The following HIKESHI variants were observed in gnomAD, a reference collection of about 807,000 sequenced individuals.
HIKESHI encodes the protein protein Hikeshi.
In HIKESHI, 13 loss-of-function variants were observed where a neutral mutation model predicts 25.7. The observed-to-expected ratio is 0.51, with a 90% CI of 0.33 to 0.80. The LOEUF (loss-of-function observed/expected upper bound fraction) is 0.80, where lower values mean the gene tolerates loss of function less well. HIKESHI is among the 30% of genes least tolerant of loss of function. HIKESHI has a pLI of 0.02. For synonymous variants in HIKESHI, 76 were observed against 78.7 expected (o/e 0.97, Z 0.18); for missense variants, 174 against 229.5 (o/e 0.76, Z 1.56).
At chr11:86,330,735 A>G (rs1039114238) in intron 2 of HIKESHI, among the ~76,000 whole-genome samples, 6 of 152,194 alleles carry the variant, frequency 3.9e-5, no homozygotes, top group Non-Finnish European at 5.9e-5. Context: ...TTCTAGTTCT[A>G]TATTTGTACT....
chr11:86,306,951 G>T (rs564350393), intron 2 of HIKESHI, among the ~76,000 whole-genome samples: 1 of 149,642 alleles, frequency 6.7e-6, no homozygotes, highest in Non-Finnish European at 1.5e-5. Context: ...AGTGAGCCAA[G>T]ATCCCACCAC....
In HIKESHI at chr11:86,304,512, CTTTTTTT is replaced by C. The variant is rs35545393; in HGVS notation, c.31-1717_31-1711del. ...GCCAGTGTGTGAGTTGCACAACTCA[CTTTTTTT>C]TTTTTTTTTTTTTTTGAGACGGAGT... On this transcript the variant is annotated intron_variant, in intron 1 of 4. Transcript: ENST00000278483. Among the ~76,000 whole-genome samples, 23 of 112,544 alleles carry C rather than the reference CTTTTTTT, an allele frequency of 2.0e-4. No homozygotes were observed. In the South Asian group the frequency reaches 5.9e-3, roughly 29 times the overall value. The allele number at this position is 112,544 out of a possible 152,430, so 73.8% of individuals were successfully genotyped here.
intron 1 of HIKESHI, among the ~76,000 whole-genome samples, chr11:86,304,510 CA>C (rs1451691942): frequency 6.9e-6 from 1 of 144,046 alleles, no homozygotes; most frequent in African/African-American, 2.6e-5. Flanking sequence ...TTGCACAACT[CA>C]CTTTTTTTTT....
rs868438995 is a variant in HIKESHI, at chr11:86,307,139, A to G, written c.268+657A>G. ...ATATATTATGTATAATATACATCAT[A>G]TATCAAATATATATTATGTGTAATA... On this transcript the variant is annotated intron_variant, in intron 2 of 4. Coordinates refer to ENST00000278483, the MANE Select transcript of HIKESHI (RefSeq NM_016401.4). Among the ~76,000 whole-genome samples, 82 of 113,816 alleles carry G rather than the reference A, an allele frequency of 7.2e-4. 3 individuals are homozygous for G. The highest frequency in any genetic ancestry group is 7.9e-4 in the Non-Finnish European group (46 of 57,890). The allele number at this position is 113,816 out of a possible 152,430, so 74.7% of individuals were successfully genotyped here.
chr11:86,319,805 C>T (rs889865025), intron 2 of HIKESHI, among the ~76,000 whole-genome samples: 2 of 152,018 alleles, frequency 1.3e-5, no homozygotes, highest in Non-Finnish European at 2.9e-5. Flanking sequence ...TAAGTTTTGG[C>T]AGGATTCTTA....
Position 86,302,437 on chromosome 11 carries a change from G to A in HIKESHI, c.-12G>A, listed in dbSNP as rs1946520239. The A allele has an allele frequency of 6.4e-7, 1 of 1,553,302 alleles. No homozygotes were observed. Among genetic ancestry groups the A allele is most frequent in the Non-Finnish European group, 8.7e-7 (1 of 1,148,028 alleles). On this transcript the variant is annotated 5_prime_UTR_variant, in exon 1 of 5. Coordinates refer to ENST00000278483, the MANE Select transcript of HIKESHI (RefSeq NM_016401.4). ...TTCAGGTCACTGCCGGCTGAACGGA[G>A]CTGCCGTCGCCATGTTTGGCTGCTT...
intron 2 of HIKESHI, among the ~76,000 whole-genome samples, chr11:86,313,561 G>A (rs544443037): frequency 6.6e-6 from 1 of 152,250 alleles, no homozygotes; most frequent in South Asian, 2.1e-4. Flanking sequence ...ACTGTTTATG[G>A]AGTCCAAGGA....
At chr11:86,307,587 TTA>T (rs1235252383) in intron 2 of HIKESHI, among the ~76,000 whole-genome samples, 1 of 128,248 alleles carries the variant, frequency 7.8e-6, no homozygotes, top group Admixed American at 9.1e-5. Context: ...CAAATATATA[TTA>T]TGTGTAGTAT....
chr11:86,305,448 G>A (rs576007052), intron 1 of HIKESHI, among the ~76,000 whole-genome samples: 28 of 151,960 alleles, frequency 1.8e-4, no homozygotes, highest in African/African-American at 6.3e-4. Flanking sequence ...GTGCAATGGC[G>A]CGATCTCAGC....
intron 2 of HIKESHI, among the ~76,000 whole-genome samples, chr11:86,323,741 T>A (rs577323155): frequency 6.6e-6 from 1 of 152,320 alleles, no homozygotes; most frequent in African/African-American, 2.4e-5. Flanking sequence ...TTTAGGATCA[T>A]AAGAACACAG....
At chr11:86,336,546 A>G (rs1300121868) in intron 2 of HIKESHI, among the ~76,000 whole-genome samples, 2 of 152,186 alleles carry the variant, frequency 1.3e-5, no homozygotes, top group African/African-American at 4.8e-5. Context: ...TTCACCAGAT[A>G]CCAAATCTGC....
chr11:86,344,913 T>C, intron 4 of HIKESHI, 192 bp downstream of exon 4: 2 of 536,212 alleles, frequency 3.7e-6, no homozygotes, highest in Non-Finnish European at 6.3e-6. Flanking sequence ...TGTTATATTG[T>C]CGCCATTATG....
chr11:86,316,771 C>CTTTTTTTTTTT lies in HIKESHI; in HGVS notation c.268+10319_268+10329dup, dbSNP rs71040229. Among the ~76,000 whole-genome samples the CTTTTTTTTTTT allele has an allele frequency of 1.1e-3, 76 of 68,782 alleles. 9 individuals are homozygous for CTTTTTTTTTTT. The highest frequency in any genetic ancestry group is 1.6e-3 in the Non-Finnish European group (60 of 37,484). 45.1% of individuals were successfully genotyped at this position (68,782 alleles called of 152,430 possible). ...TTATGAGTAATGAATCTGAAACATT[C>CTTTTTTTTTTT]TTTTTTTTTTTTTTTTTTTTTTTTT... On this transcript the variant is annotated intron_variant, in intron 2 of 4. Transcript: ENST00000278483.
chr11:86,322,588 A>C (rs190172011), intron 2 of HIKESHI, among the ~76,000 whole-genome samples: 18 of 151,988 alleles, frequency 1.2e-4, no homozygotes, highest in African/African-American at 4.3e-4. Context: ...CCCCTCTAGC[A>C]GTGTTTTTTG....
chr11:86,311,159 G>T (rs1284891023), intron 2 of HIKESHI, among the ~76,000 whole-genome samples: 1 of 152,104 alleles, frequency 6.6e-6, no homozygotes, highest in Non-Finnish European at 1.5e-5. Context: ...TTGTACCTCT[G>T]GTAGAATTTG....
At position 86,302,309 on chromosome 11, in the gene HIKESHI, TG is replaced by T. The variant is rs1946514069; in HGVS notation, c.-138del. On this transcript the variant is annotated 5_prime_UTR_variant, in exon 1 of 5. Coordinates refer to ENST00000278483, the MANE Select transcript of HIKESHI (RefSeq NM_016401.4). ...GCGGGGGCAGAGGCATTCTTGCCGC[TG>T]GCCCAGTCACTATGTAGTGGAGGGG... 1 of 997,900 alleles carries T rather than the reference TG, an allele frequency of 1.0e-6. No homozygotes were observed. The highest frequency in any genetic ancestry group is 1.5e-6 in the Non-Finnish European group (1 of 657,992). The allele number at this position is 997,900 out of a possible 1,614,324, so 61.8% of individuals were successfully genotyped here. A position where few individuals can be genotyped will look rare whatever the true frequency, so the allele number is the denominator to read the frequency against.
chr11:86,309,265 C>G (rs1946769254), intron 2 of HIKESHI, among the ~76,000 whole-genome samples: 1 of 152,156 alleles, frequency 6.6e-6, no homozygotes, highest in Admixed American at 6.5e-5. Context: ...ACCATTCTAA[C>G]TGGCGTGAGA....
chr11:86,323,565 C>G (rs1312021631), intron 2 of HIKESHI, among the ~76,000 whole-genome samples: 3 of 152,166 alleles, frequency 2.0e-5, no homozygotes, highest in Non-Finnish European at 4.4e-5. Context: ...CCATCTTTGC[C>G]TGTTCTTGCC....
chr11:86,338,872 G>A (rs1947642699), intron 3 of HIKESHI, among the ~76,000 whole-genome samples: 1 of 152,130 alleles, frequency 6.6e-6, no homozygotes, highest in Admixed American at 6.5e-5. Flanking sequence ...CCCTGGAGAA[G>A]GGTAAGAAGA....
Sources: allele counts gnomAD v4.1 joint callset (sites outside exome capture counted in the v4.1 genomes callset), GRCh38; gene constraint gnomAD v4.1.1; transcripts MANE v1.5; gene names NCBI Gene and HGNC (gene_info 2026-07-23, HGNC 2026-07-21).